Variants in ARHGAP1 observed in about 807,000 individuals in gnomAD.
ARHGAP1 encodes the protein rho GTPase-activating protein 1.
In ARHGAP1, 23 loss-of-function variants were observed where a neutral mutation model predicts 52.2. The observed-to-expected ratio is 0.44, with a 90% confidence interval of 0.32 to 0.62. ARHGAP1 has a LOEUF of 0.62. Ranked by LOEUF, ARHGAP1 falls within the 20% of genes least tolerant of loss-of-function variation. The pLI is 0.05. For missense variants in ARHGAP1, 480 were observed against 560.9 expected, an observed-to-expected ratio of 0.86 and a Z score of 1.46; for synonymous variants, 210 against 228.4, an observed-to-expected ratio of 0.92 and a Z score of 0.73.
chr11:46,693,407 C>CTTT (rs11418068), intron 3 of ARHGAP1, among the ~76,000 whole-genome samples: 1 of 145,616 alleles, frequency 6.9e-6, no homozygotes, highest in Non-Finnish European at 1.5e-5. Flanking sequence ...AGACTGTAAT[C>CTTT]TTTTTTTTTT....
chr11:46,697,753 A>G lies in ARHGAP1; in HGVS notation c.-49-1597T>C, dbSNP rs759151128. Among the ~76,000 whole-genome samples, 69 of 152,220 alleles carry G rather than the reference A, an allele frequency of 4.5e-4. 1 individual carries two copies. The highest frequency in any genetic ancestry group is 1.0e-4 in the Non-Finnish European group (7 of 68,006). On this transcript the variant is annotated intron_variant, in intron 1 of 12. Transcript: ENST00000311956. ...TCCACTACCCCTGGTTACCACCAAA[A>G]TATAATCCCTTCCCAAGAACACAGA...
rs573961587 is a variant in ARHGAP1 at position 46,678,888 on chromosome 11, C to A, written c.*149G>T. ...CTGGTAACAGCGAGGCCGCCAGGGC[C>A]GTGAGGCGGGCTGGACAGAGGTGGG... On this transcript the variant is annotated 3_prime_UTR_variant, in exon 13 of 13. Transcript: ENST00000311956. The A allele has an allele frequency of 1.5e-4, 132 of 898,586 alleles. No homozygotes were observed. The African/African-American group carries it at 1.9e-3, about 13-fold the overall frequency. 55.7% of individuals were successfully genotyped at this position (898,586 alleles called of 1,614,324 possible). A position where few individuals can be genotyped will look rare whatever the true frequency, so the allele number is the denominator to read the frequency against.
chr11:46,687,942 G>A (rs144885027), intron 4 of ARHGAP1: 147 of 510,228 alleles, frequency 2.9e-4, no homozygotes, highest in Admixed American at 2.7e-3. Context: ...TGAGGAAAGC[G>A]AGGCTTAAAG....
At chr11:46,695,576 A>G in intron 3 of ARHGAP1, 84 bp downstream of exon 3, 1 of 1,363,290 alleles carries the variant, frequency 7.3e-7, no homozygotes, top group East Asian at 2.5e-5. Flanking sequence ...GACTGCAGAG[A>G]GGCCCTTCCC....
At chr11:46,686,310 A>C (rs1005838322) in intron 4 of ARHGAP1, among the ~76,000 whole-genome samples, 1 of 151,960 alleles carries the variant, frequency 6.6e-6, no homozygotes, top group African/African-American at 2.4e-5. Context: ...GCGCCCAGCC[A>C]CAAGTCTCAT....
Position 46,681,964 on chromosome 11 carries a change from A to C in ARHGAP1, c.449+87T>G, listed in dbSNP as rs2064532199. The C allele has an allele frequency of 1.9e-6, 3 of 1,576,792 alleles. No individual in the cohort carries two copies. Among genetic ancestry groups the C allele is most frequent in the Non-Finnish European group, 2.6e-6 (3 of 1,158,104 alleles). ...CCCCGCCACCCCCTGCCTTGGAATA[A>C]GCTCCTGCCCAAGTGGAGGGCAGCC... is the stretch of plus-strand genomic sequence containing the variant. On this transcript the variant is annotated intron_variant, in intron 5 of 12. Transcript: ENST00000311956. This position sits in a 1 kb window ranked among gnomAD's most constrained non-coding sequence, Gnocchi z 5.7.
Position 46,679,327 on chromosome 11 carries a change from CCCT to C in ARHGAP1, c.1131+35_1131+37del. 2 of 1,609,048 alleles carry C rather than the reference CCCT, an allele frequency of 1.2e-6. No homozygotes were observed. Among genetic ancestry groups the C allele is most frequent in the South Asian group, 2.2e-5 (2 of 90,912 alleles). On this transcript the variant is annotated intron_variant, in intron 12 of 12. Transcript: ENST00000311956. The surrounding 1 kb of genome is among the most constrained non-coding windows in gnomAD (Gnocchi z 4.4). ...AGAGGAGGCGGCAGCTCCTCCTTCC[CCCT>C]CCCTTCACCCCAGAGGCCAAGTCCA...
At chr11:46,683,777 A>G (rs1169014492) in intron 4 of ARHGAP1, among the ~76,000 whole-genome samples, 1 of 151,892 alleles carries the variant, frequency 6.6e-6, no homozygotes, top group Non-Finnish European at 1.5e-5. Flanking sequence ...AGTAGCTGGG[A>G]TTATAGGCAT....
chr11:46,695,033 C>T (rs566434529), intron 3 of ARHGAP1: 72 of 176,300 alleles, frequency 4.1e-4, no homozygotes, highest in African/African-American at 1.6e-3. Context: ...TAAAGTGGGG[C>T]CCTAAGGGCA....
chr11:46,684,402 G>C (rs1269190568), intron 4 of ARHGAP1, among the ~76,000 whole-genome samples: 1 of 152,166 alleles, frequency 6.6e-6, no homozygotes, highest in African/African-American at 2.4e-5. Flanking sequence ...AATATGTCTA[G>C]GAGTTTGTCC....
intron 1 of ARHGAP1, chr11:46,697,606 C>T (rs568264684): frequency 6.6e-6 from 1 of 152,362 alleles, no homozygotes; most frequent in East Asian, 1.9e-4. Context: ...CAACAGCCAC[C>T]CTATCACCAG....
At chr11:46,694,413 G>A (rs1194748482) in intron 3 of ARHGAP1, among the ~76,000 whole-genome samples, 1 of 152,046 alleles carries the variant, frequency 6.6e-6, no homozygotes, top group African/African-American at 2.4e-5. Context: ...GACAAGCACA[G>A]CGAGCCAGGA....
intron 3 of ARHGAP1, among the ~76,000 whole-genome samples, chr11:46,691,638 G>A (rs537484418): frequency 4.7e-4 from 71 of 152,158 alleles, no homozygotes; most frequent in South Asian, 2.5e-3. Flanking sequence ...TTTTAGTAGA[G>A]ACGGGGTTTC....
At chr11:46,695,357 T>C (rs1220070518) in intron 3 of ARHGAP1, 4 of 419,710 alleles carry the variant, frequency 9.5e-6, no homozygotes, top group South Asian at 5.9e-5. Context: ...AGGAGGGCAA[T>C]AGAACGAGGG....
In ARHGAP1 at chr11:46,679,622, G is replaced by A. The variant is rs78561418; in HGVS notation, c.1027+26C>T. Reference sequence around the variant, plus strand: ...GCACCTGCCCCAAGTCCAGCCCCAGGCCCAACAGAAGAGATGGGGACTCAC... The same window carrying A: ...GCACCTGCCCCAAGTCCAGCCCCAGACCCAACAGAAGAGATGGGGACTCAC... On this transcript the variant is annotated intron_variant, in intron 11 of 12. Transcript: ENST00000311956. This position sits in a 1 kb window ranked among gnomAD's most constrained non-coding sequence, Gnocchi z 4.4. 1.5e-5 allele frequency: 24 copies of A among 1,613,522 alleles called. No individual in the cohort carries two copies. Among genetic ancestry groups the A allele is most frequent in the Non-Finnish European group, 2.0e-5 (24 of 1,179,814 alleles).
At position 46,695,662 on chromosome 11, in the gene ARHGAP1, G is replaced by C; in HGVS notation, c.227C>G (p.Ala76Gly). 1 of 1,551,668 alleles carries C rather than the reference G, an allele frequency of 6.4e-7. No individual in the cohort carries two copies. Among genetic ancestry groups the C allele is most frequent in the South Asian group, 1.2e-5 (1 of 84,052 alleles). Residue 76 changes from alanine (A) to glycine (G), a missense_variant and splice_region_variant, in exon 3 of 13, where the codon GCA becomes GGA. Transcript: ENST00000311956. ...DIARHQIVEV[A>G]GDDKYGRKII... ...AAAATAGTGTTGGGTGTGCTTACCT[G>C]CCACCTCCACGATCTGGTGCCGGGC... is the stretch of plus-strand genomic sequence containing the variant.
At chr11:46,685,106 AG>A (rs1266971577) in intron 4 of ARHGAP1, among the ~76,000 whole-genome samples, 1 of 150,768 alleles carries the variant, frequency 6.6e-6, no homozygotes, top group Non-Finnish European at 1.5e-5. Context: ...AAAAAAAAAA[AG>A]ATACCAAACT....
chr11:46,679,360 C>G lies in ARHGAP1; in HGVS notation c.1131+5G>C. The G allele has an allele frequency of 3.1e-6, 5 of 1,613,758 alleles. No homozygotes were observed. Among genetic ancestry groups the G allele is most frequent in the Admixed American group, 1.7e-5 (1 of 60,014 alleles). On this transcript the variant is annotated splice_donor_5th_base_variant and intron_variant, in intron 12 of 12. Transcript: ENST00000311956. This position sits in a 1 kb window ranked among gnomAD's most constrained non-coding sequence, Gnocchi z 4.4. ...TCACCCCAGAGGCCAAGTCCAAGGT[C>G]TCACCTGCACCAGGAAAGCAGTCAG...
chr11:46,680,818 T>C lies in ARHGAP1; in HGVS notation c.636-71A>G, dbSNP rs2064520027. 2.4e-6 allele frequency: 3 copies of C among 1,247,652 alleles called. No homozygotes were observed. The Admixed American group carries it at 6.8e-5, about 28-fold the overall frequency. The allele number at this position is 1,247,652 out of a possible 1,614,324, so 77.3% of individuals were successfully genotyped here. On this transcript the variant is annotated intron_variant, in intron 7 of 12. Coordinates refer to ENST00000311956, the MANE Select transcript of ARHGAP1 (RefSeq NM_004308.5). This position sits in a 1 kb window ranked among gnomAD's most constrained non-coding sequence, Gnocchi z 5.9. Reference sequence around the variant, plus strand: ...GTCACTCTGCCAATTCAATCAAGCATTGACCACGCGGGGTCAGGAGGATCA... The same window carrying C: ...GTCACTCTGCCAATTCAATCAAGCACTGACCACGCGGGGTCAGGAGGATCA...
Sources: allele counts gnomAD v4.1 joint callset (sites outside exome capture counted in the v4.1 genomes callset), GRCh38; gene constraint gnomAD v4.1.1; non-coding constraint Gnocchi (gnomAD v3.1); transcripts MANE v1.5; gene names NCBI Gene and HGNC (gene_info 2026-07-23, HGNC 2026-07-21).